Variants in CCDC25 observed in about 807,000 individuals in gnomAD.
CCDC25 encodes the protein coiled-coil domain containing 25, also known as coiled-coil domain-containing protein 25.
In CCDC25, 16 loss-of-function variants were observed where a neutral mutation model predicts 35.3. The ratio of observed to expected loss-of-function variants is 0.45; its 90% CI spans 0.31 to 0.69. CCDC25 has a LOEUF of 0.69. CCDC25 is among the 30% of genes least tolerant of loss of function. CCDC25 has a pLI of 0.06. For synonymous variants in CCDC25, 79 were observed against 80.3 expected (o/e 0.98, Z 0.09); for missense variants, 179 against 250.7 (o/e 0.71, Z 1.93).
At chr8:27,745,875 C>T (rs1585347514) in intron 7 of CCDC25, among the ~76,000 whole-genome samples, 1 of 152,162 alleles carries the variant, frequency 6.6e-6, no homozygotes. Context: ...TTAAAAAATA[C>T]AAATGACCAG....
At position 27,762,473 on chromosome 8, in the gene CCDC25, GAGAAACGAA is replaced by G; in HGVS notation, c.77-24_77-16del. On this transcript the variant is annotated splice_polypyrimidine_tract_variant and intron_variant, in intron 2 of 8. Transcript: ENST00000356537. ...CAGATCTTCATCTGCAATGAGATAT[GAGAAACGAA>G]AGAAACAAAAACTGTCAAATGAAGA... 2 of 1,610,870 alleles carry G rather than the reference GAGAAACGAA, an allele frequency of 1.2e-6. No individual in the cohort carries two copies. Among genetic ancestry groups the G allele is most frequent in the Non-Finnish European group, 1.7e-6 (2 of 1,178,774 alleles).
intron 8 of CCDC25, 107 bp downstream of exon 8, chr8:27,740,365 G>T: frequency 9.1e-7 from 1 of 1,097,748 alleles, no homozygotes; most frequent in Non-Finnish European, 1.3e-6. Flanking sequence ...CCAAATCATG[G>T]TTAGCTATTT....
rs527397723 is a variant in CCDC25, at chr8:27,739,317, C to T, written c.597+1155G>A. On this transcript the variant is annotated intron_variant, in intron 8 of 8. Transcript: ENST00000356537. ...TAGAGATGGGAATAAGAATGTTGTT[C>T]TTACAAATTTTTAGAAGAATATGTA... Among the ~76,000 whole-genome samples, 20 of 152,232 alleles carry T rather than the reference C, an allele frequency of 1.3e-4. No homozygotes were observed. The East Asian group carries it at 2.9e-3, about 22-fold the overall frequency.
chr8:27,757,928 C>A (rs1304647588), intron 3 of CCDC25, among the ~76,000 whole-genome samples: 3 of 152,050 alleles, frequency 2.0e-5, no homozygotes. Flanking sequence ...AGTGCACAGC[C>A]CCGGCACCCT....
intron 8 of CCDC25, among the ~76,000 whole-genome samples, chr8:27,740,223 C>A (rs1465618429): frequency 6.6e-6 from 1 of 152,120 alleles, no homozygotes; most frequent in Admixed American, 6.5e-5. Context: ...ATGAATAGAC[C>A]TGTACGCCAC....
At chr8:27,748,443 T>C in intron 6 of CCDC25, 52 bp downstream of exon 6, 1 of 1,401,876 alleles carries the variant, frequency 7.1e-7, no homozygotes, top group African/African-American at 1.4e-5. Context: ...AAAGATAGGA[T>C]ACTCCATTCA....
At chr8:27,759,457 A>C (rs997443859) in intron 3 of CCDC25, among the ~76,000 whole-genome samples, 13 of 151,902 alleles carry the variant, frequency 8.6e-5, no homozygotes, top group African/African-American at 2.2e-4. Context: ...AAATACAAAA[A>C]AATTAGCCAG....
At chr8:27,743,335 C>A (rs1389927215) in intron 7 of CCDC25, among the ~76,000 whole-genome samples, 1 of 152,208 alleles carries the variant, frequency 6.6e-6, no homozygotes, top group Non-Finnish European at 1.5e-5. Flanking sequence ...AACACACAAG[C>A]TTCATTGTAT....
chr8:27,749,190 G>C (rs147750171), intron 5 of CCDC25, among the ~76,000 whole-genome samples: 4 of 152,192 alleles, frequency 2.6e-5, no homozygotes, highest in Non-Finnish European at 5.9e-5. Context: ...GATGGAAGGA[G>C]TGCCAGGTAC....
At chr8:27,736,624 G>T (rs931690262) in intron 8 of CCDC25, among the ~76,000 whole-genome samples, 2 of 152,146 alleles carry the variant, frequency 1.3e-5, no homozygotes, top group African/African-American at 4.8e-5. Flanking sequence ...CAACAATTCT[G>T]CCAATATGCA....
intron 1 of CCDC25, among the ~76,000 whole-genome samples, chr8:27,765,945 T>G (rs939087295): frequency 2.0e-5 from 3 of 152,194 alleles, no homozygotes; most frequent in Non-Finnish European, 2.9e-5. Flanking sequence ...TAATATAAGG[T>G]CAGGGTTAGA....
chr8:27,758,365 T>A (rs1804090822), intron 3 of CCDC25, among the ~76,000 whole-genome samples: 1 of 152,252 alleles, frequency 6.6e-6, no homozygotes, highest in African/African-American at 2.4e-5. Flanking sequence ...CTATTCACTA[T>A]GCATACAGAA....
intron 5 of CCDC25, among the ~76,000 whole-genome samples, chr8:27,750,348 T>C (rs180859781): frequency 6.6e-6 from 1 of 152,372 alleles, no homozygotes; most frequent in Admixed American, 6.5e-5. Flanking sequence ...AGTTCCTTAA[T>C]TCTCTTTAAG....
chr8:27,746,635 T>C (rs1299571808), intron 7 of CCDC25, among the ~76,000 whole-genome samples: 2 of 152,216 alleles, frequency 1.3e-5, no homozygotes, highest in Non-Finnish European at 2.9e-5. Flanking sequence ...TTTACCTCAC[T>C]GATGGAGTTA....
At position 27,737,601 on chromosome 8, in the gene CCDC25, G is replaced by A. The variant is rs1803278809; in HGVS notation, c.598-1356C>T. Among the ~76,000 whole-genome samples, 2 of 152,128 alleles carry A rather than the reference G, an allele frequency of 1.3e-5. No homozygotes were observed. The highest frequency in any genetic ancestry group is 4.1e-4 in the South Asian group (2 of 4,824). ...TTCTAAATTGGATCATAAAACATCT[G>A]TATCACTTACACTTCTTCACTGCTG... On this transcript the variant is annotated intron_variant, in intron 8 of 8. Coordinates refer to ENST00000356537, the MANE Select transcript of CCDC25 (RefSeq NM_018246.3). The surrounding 1 kb of genome is among the most constrained non-coding windows in gnomAD (Gnocchi z 4.6).
At chr8:27,768,564 CAAA>C (rs368194540) in intron 1 of CCDC25, among the ~76,000 whole-genome samples, 1 of 106,592 alleles carries the variant, frequency 9.4e-6, no homozygotes, top group African/African-American at 3.6e-5. Flanking sequence ...GACTCCATCT[CAAA>C]AAAAAAAAAA....
chr8:27,763,272 A>G lies in CCDC25; in HGVS notation c.77-814T>C, dbSNP rs186205932. ...TCCTTAAGGTATATTTCTAAAAGCT[A>G]AAGTATTCGCTCAAAGTGAATGCAC... On this transcript the variant is annotated intron_variant, in intron 2 of 8. Transcript: ENST00000356537. Among the ~76,000 whole-genome samples the G allele has an allele frequency of 7.9e-5, 12 of 152,348 alleles. 1 individual carries two copies. The East Asian group carries it at 2.3e-3, about 29-fold the overall frequency.
intron 1 of CCDC25, among the ~76,000 whole-genome samples, chr8:27,766,508 G>A (rs999565322): frequency 5.3e-5 from 8 of 152,056 alleles, no homozygotes; most frequent in African/African-American, 1.4e-4. Flanking sequence ...TGTGTGCATC[G>A]CCAAGTTTAT....
rs917400298 is a variant in CCDC25, at chr8:27,734,921, C to T, written c.*1295G>A. 25 of 152,058 alleles carry T rather than the reference C, an allele frequency of 1.6e-4. No homozygotes were observed. Among genetic ancestry groups the T allele is most frequent in the Non-Finnish European group, 2.5e-4 (17 of 68,040 alleles). 9.4% of individuals were successfully genotyped at this position (152,058 alleles called of 1,614,324 possible). Reference sequence around the variant, plus strand: ...CAGAGGAGGAGAAAGATGATAGCCCCGTACAGAACCTGTCAGACTGAGCCT... The same window carrying T: ...CAGAGGAGGAGAAAGATGATAGCCCTGTACAGAACCTGTCAGACTGAGCCT... On this transcript the variant is annotated 3_prime_UTR_variant, in exon 9 of 9. Transcript: ENST00000356537.
Sources: allele counts gnomAD v4.1 joint callset (sites outside exome capture counted in the v4.1 genomes callset), GRCh38; gene constraint gnomAD v4.1.1; non-coding constraint Gnocchi (gnomAD v3.1); transcripts MANE v1.5; gene names NCBI Gene and HGNC (gene_info 2026-07-23, HGNC 2026-07-21).